Variants in RAB8A observed in about 807,000 individuals in gnomAD.
RAB8A encodes the protein ras-related protein Rab-8A.
A neutral mutation model predicts 29.2 loss-of-function variants in RAB8A; 5 were observed. The observed-to-expected ratio is 0.17, with a 90% CI of 0.09 to 0.36. The LOEUF (loss-of-function observed/expected upper bound fraction) is 0.36. Ranked by LOEUF, RAB8A falls within the 10% of genes least tolerant of loss-of-function variation. The probability of loss-of-function intolerance (pLI) is 1.00; values close to 1 mark genes in which losing one functional copy is unlikely to be tolerated. For missense variants in RAB8A, 171 were observed against 272.2 expected (o/e 0.63, Z 2.62); for synonymous variants, 108 against 99.9 (o/e 1.08, Z -0.49).
At chr19:16,131,842 G>A (rs1048881418) in intron 7 of RAB8A, among the ~76,000 whole-genome samples, 4 of 141,032 alleles carry the variant, frequency 2.8e-5, no homozygotes, top group Non-Finnish European at 6.1e-5. Context: ...GGTTGAAAGG[G>A]TATAGATGGA....
intron 2 of RAB8A, among the ~76,000 whole-genome samples, chr19:16,119,751 G>C (rs2090865115): frequency 6.6e-6 from 1 of 151,938 alleles, no homozygotes; most frequent in Non-Finnish European, 1.5e-5. Flanking sequence ...ATCGTGGTGA[G>C]GTTAGTGACT....
chr19:16,123,387 C>T (rs2090883392), intron 3 of RAB8A, among the ~76,000 whole-genome samples: 1 of 152,150 alleles, frequency 6.6e-6, no homozygotes, highest in Non-Finnish European at 1.5e-5. Flanking sequence ...GTGGGTAGAT[C>T]TCTTGAGGTC....
rs755741189 is a variant in RAB8A, at chr19:16,134,169, A to G, written c.*1865A>G. 3.3e-5 allele frequency: 5 copies of G among 152,392 alleles called. No homozygotes were observed. Among genetic ancestry groups the G allele is most frequent in the Non-Finnish European group, 7.3e-5 (5 of 68,128 alleles). 9.4% of individuals were successfully genotyped at this position (152,392 alleles called of 1,614,324 possible). A position where few individuals can be genotyped will look rare whatever the true frequency, so the allele number is the denominator to read the frequency against. ...CAGAGGCAACCAGACAGAAGCATCC[A>G]GAATCCTCTCACAGTGGGGTCACAC... On this transcript the variant is annotated 3_prime_UTR_variant, in exon 8 of 8. Transcript: ENST00000300935.
At chr19:16,131,297 G>T (rs1310195896) in intron 7 of RAB8A, among the ~76,000 whole-genome samples, 1 of 152,196 alleles carries the variant, frequency 6.6e-6, no homozygotes, top group African/African-American at 2.4e-5. Context: ...ATGGAAAATA[G>T]ATCTGTTTCT....
chr19:16,119,918 ATTC>A (rs2090866189), intron 2 of RAB8A, among the ~76,000 whole-genome samples: 1 of 151,784 alleles, frequency 6.6e-6, no homozygotes, highest in Non-Finnish European at 1.5e-5. Flanking sequence ...GGTTCAGGCA[ATTC>A]TTCTGCCTCG....
chr19:16,125,929 C>G lies in RAB8A; in HGVS notation c.324+382C>G. ...GTGTGGTGAGCAGGCGTCAGTTGTA[C>G]TTTGAGCTATATCGGAGCAGGGTGT... On this transcript the variant is annotated intron_variant, in intron 4 of 7. Transcript: ENST00000300935. The surrounding 1 kb of genome is among the most constrained non-coding windows in gnomAD (Gnocchi z 5.0). 5.4e-6 allele frequency: 2 copies of G among 367,478 alleles called. No individual in the cohort carries two copies. The highest frequency in any genetic ancestry group is 5.3e-6 in the Non-Finnish European group (1 of 187,856). 22.8% of individuals were successfully genotyped at this position (367,478 alleles called of 1,614,324 possible).
chr19:16,130,428 C>T (rs1351109544), intron 7 of RAB8A, among the ~76,000 whole-genome samples: 1 of 152,158 alleles, frequency 6.6e-6, no homozygotes, highest in Admixed American at 6.5e-5. Context: ...TCAAGTTTTA[C>T]ATCTGATGTA....
intron 7 of RAB8A, among the ~76,000 whole-genome samples, chr19:16,130,495 T>G (rs1475927829): frequency 6.6e-6 from 1 of 152,220 alleles, no homozygotes; most frequent in African/African-American, 2.4e-5. Flanking sequence ...GGCATGTGAT[T>G]GATTTAATAG....
Position 16,125,007 on chromosome 19 carries a change from G to T in RAB8A, c.247-463G>T. 5.7e-5 allele frequency: 11 copies of T among 191,364 alleles called. No homozygotes were observed. The highest frequency in any genetic ancestry group is 2.5e-3 in the Middle Eastern group (1 of 402). 11.9% of individuals were successfully genotyped at this position (191,364 alleles called of 1,614,324 possible). On this transcript the variant is annotated intron_variant, in intron 3 of 7. Coordinates refer to ENST00000300935, the MANE Select transcript of RAB8A (RefSeq NM_005370.5). The surrounding 1 kb of genome is among the most constrained non-coding windows in gnomAD (Gnocchi z 5.0). The stretch of plus-strand genomic sequence containing the variant: ...TGGATGTCGGGTCAGGACTTCCTGG[G>T]CTCAGTTGTGCCTGGTAGGTGGCTC...
At chr19:16,118,560 G>T (rs2090857424) in intron 2 of RAB8A, among the ~76,000 whole-genome samples, 1 of 152,208 alleles carries the variant, frequency 6.6e-6, no homozygotes, top group African/African-American at 2.4e-5. Flanking sequence ...GCACCATCTG[G>T]GTCTGGCCTT....
intron 3 of RAB8A, chr19:16,124,060 G>A (rs890441870): frequency 2.6e-5 from 4 of 152,134 alleles, no homozygotes; most frequent in Admixed American, 2.6e-4. Context: ...CAACTTAGTG[G>A]TGAAGGCAGG....
At chr19:16,129,670 A>C in intron 7 of RAB8A, 66 bp downstream of exon 7, 3 of 1,518,748 alleles carry the variant, frequency 2.0e-6, no homozygotes, top group Non-Finnish European at 2.7e-6. Context: ...CGTTAGCAGC[A>C]GTGATATGAC....
intron 3 of RAB8A, among the ~76,000 whole-genome samples, chr19:16,123,041 T>C (rs562426924): frequency 3.3e-4 from 50 of 152,304 alleles, no homozygotes; most frequent in African/African-American, 1.2e-3. Context: ...TTAGCTCAGA[T>C]TATCTCATTG....
At chr19:16,129,466 A>G (rs1165680738) in intron 6 of RAB8A, 88 bp from the exon 7 acceptor site, 1 of 1,331,204 alleles carries the variant, frequency 7.5e-7, no homozygotes, top group Non-Finnish European at 1.1e-6. Flanking sequence ...CACGCCTGGG[A>G]AGCTGTCTCA....
chr19:16,116,149 G>A (rs903463438), intron 1 of RAB8A, among the ~76,000 whole-genome samples: 16 of 152,234 alleles, frequency 1.1e-4, no homozygotes, highest in Admixed American at 7.9e-4. Context: ...CAAAGGGATA[G>A]CCAGGTAGCT....
chr19:16,123,727 G>C (rs3826721), intron 3 of RAB8A: 3 of 151,974 alleles, frequency 2.0e-5, no homozygotes, highest in Non-Finnish European at 2.9e-5. Flanking sequence ...ATATGGGACA[G>C]CACCACCATT....
At chr19:16,131,278 A>T (rs902561582) in intron 7 of RAB8A, among the ~76,000 whole-genome samples, 1 of 152,184 alleles carries the variant, frequency 6.6e-6, no homozygotes, top group Non-Finnish European at 1.5e-5. Context: ...AAGGGGTGGT[A>T]TATAGCAGAT....
intron 2 of RAB8A, among the ~76,000 whole-genome samples, chr19:16,119,743 C>T (rs367961821): frequency 1.7e-3 from 255 of 151,944 alleles, no homozygotes; most frequent in African/African-American, 5.7e-3. Flanking sequence ...TCTTAGCAAT[C>T]GTGGTGAGGT....
intron 6 of RAB8A, 112 bp from the exon 7 acceptor site, chr19:16,129,442 C>A: frequency 9.6e-7 from 1 of 1,042,598 alleles, no homozygotes; most frequent in South Asian, 1.3e-5. Context: ...CATCAAAGGG[C>A]CAAATGGGAG....
Sources: allele counts gnomAD v4.1 joint callset (sites outside exome capture counted in the v4.1 genomes callset), GRCh38; gene constraint gnomAD v4.1.1; non-coding constraint Gnocchi (gnomAD v3.1); transcripts MANE v1.5; gene names NCBI Gene and HGNC (gene_info 2026-07-23, HGNC 2026-07-21).